Variants in PEAK1 observed in about 807,000 individuals in gnomAD.
The protein encoded by PEAK1 is inactive tyrosine-protein kinase PEAK1.
A neutral mutation model predicts 124.7 loss-of-function variants in PEAK1; 54 were observed. The ratio of observed to expected loss-of-function variants is 0.43; its 90% CI spans 0.35 to 0.54. The LOEUF is 0.54. Among genes scored for constraint, PEAK1 ranks in the 20% least tolerant of loss-of-function variants. The probability of loss-of-function intolerance (pLI) is 0.01; values close to 1 mark genes in which losing one functional copy is unlikely to be tolerated. For missense variants in PEAK1, 2,046 were observed against 2,134.5 expected (o/e 0.96, Z 0.82); for synonymous variants, 719 against 760.0 (o/e 0.95, Z 0.89).
At chr15:77,415,727 A>T (rs578096979) in intron 1 of PEAK1, among the ~76,000 whole-genome samples, 41 of 152,298 alleles carry the variant, frequency 2.7e-4, no homozygotes, top group African/African-American at 9.6e-4. Flanking sequence ...TGGAAAAGTG[A>T]GACTACCTTC....
intron 2 of PEAK1, among the ~76,000 whole-genome samples, chr15:77,308,670 G>A (rs895837431): frequency 3.9e-5 from 6 of 152,000 alleles, no homozygotes; most frequent in African/African-American, 1.4e-4. Context: ...CGAGGTTTAC[G>A]AAGCAGTAAA....
chr15:77,175,577 G>A (rs1367861117), intron 7 of PEAK1, among the ~76,000 whole-genome samples: 1 of 152,086 alleles, frequency 6.6e-6, no homozygotes, highest in Non-Finnish European at 1.5e-5. Context: ...CAGTTAGAAT[G>A]GTGATCATTA....
intron 2 of PEAK1, chr15:77,337,621 T>A: frequency 1.0e-6 from 1 of 985,446 alleles, no homozygotes; most frequent in Non-Finnish European, 1.2e-6. Flanking sequence ...ACCTTTACCA[T>A]GGATTAATTC....
chr15:77,413,292 C>G (rs948208282), intron 1 of PEAK1, among the ~76,000 whole-genome samples: 13 of 152,272 alleles, frequency 8.5e-5, no homozygotes, highest in African/African-American at 3.1e-4. Flanking sequence ...AATTTCCATC[C>G]CTTTAAGTGT....
At chr15:77,146,000 T>C (rs572463664) in intron 8 of PEAK1, among the ~76,000 whole-genome samples, 69 of 152,294 alleles carry the variant, frequency 4.5e-4, no homozygotes, top group African/African-American at 1.7e-3. Flanking sequence ...AATTTCAATC[T>C]TCGTCCCTAA....
At chr15:77,236,144 G>C (rs2060111763) in intron 6 of PEAK1, among the ~76,000 whole-genome samples, 1 of 152,238 alleles carries the variant, frequency 6.6e-6, no homozygotes, top group Admixed American at 6.5e-5. Context: ...GCACTACTTA[G>C]TGGAGCTGTG....
chr15:77,144,739 A>G (rs2054049136), intron 8 of PEAK1, among the ~76,000 whole-genome samples: 1 of 152,238 alleles, frequency 6.6e-6, no homozygotes, highest in Non-Finnish European at 1.5e-5. Flanking sequence ...TCCACAGCCC[A>G]TGCAAGTAGG....
rs1258661818 is a variant in PEAK1 at position 77,225,670 on chromosome 15, A to ATG, written c.-115+26696_-115+26697insCA. On this transcript the variant is annotated intron_variant, in intron 6 of 9. Coordinates refer to ENST00000682557, the MANE Select transcript of PEAK1 (RefSeq NM_001385026.1). ...GTGTGTGTGTGTGTGTATAATTTAT[A>ATG]TATATATATATATATATATATATAT... 7.3e-4 allele frequency among the ~76,000 whole-genome samples: 91 copies of ATG among 124,454 alleles called. 4 individuals are homozygous for ATG. The East Asian group carries it at 0.015, about 21-fold the overall frequency. The allele number at this position is 124,454 out of a possible 152,430, so 81.6% of individuals were successfully genotyped here. A position where few individuals can be genotyped will look rare whatever the true frequency, so the allele number is the denominator to read the frequency against.
intron 9 of PEAK1, among the ~76,000 whole-genome samples, chr15:77,127,917 T>TAAA (rs906959764): frequency 3.0e-4 from 45 of 151,968 alleles, no homozygotes; most frequent in African/African-American, 9.9e-4. Context: ...CTGTCTCTAC[T>TAAA]AAAAATACAA....
intron 2 of PEAK1, chr15:77,347,360 C>T (rs1281498916): frequency 1.0e-6 from 1 of 985,162 alleles, no homozygotes; most frequent in African/African-American, 1.7e-5. Context: ...AGAAATGCCA[C>T]AGAGGAAGAG....
rs1243409057 is a variant in PEAK1, at chr15:77,403,893, A to G, written c.-666+16113T>C. ...GCCACAAATTCATTTTAGAAACAGA[A>G]TGACTTTTTTTAATTTCCAACTTTT... is the stretch of plus-strand genomic sequence containing the variant. On this transcript the variant is annotated intron_variant, in intron 1 of 9. Transcript: ENST00000682557. 1.1e-5 allele frequency: 11 copies of G among 984,732 alleles called. No homozygotes were observed. The African/African-American group carries it at 1.2e-4, about 11-fold the overall frequency. 61.0% of individuals were successfully genotyped at this position (984,732 alleles called of 1,614,324 possible).
intron 6 of PEAK1, among the ~76,000 whole-genome samples, chr15:77,201,124 T>C (rs949408212): frequency 6.6e-6 from 1 of 152,124 alleles, no homozygotes; most frequent in Non-Finnish European, 1.5e-5. Flanking sequence ...ATGTTATTGA[T>C]TTCAGGGAAC....
chr15:77,370,412 GT>G (rs1465387201), intron 1 of PEAK1, among the ~76,000 whole-genome samples: 1 of 152,192 alleles, frequency 6.6e-6, no homozygotes, highest in Non-Finnish European at 1.5e-5. Flanking sequence ...AGGGGAAAAT[GT>G]TTAGGTACCA....
At chr15:77,141,916 C>A (rs1427373440) in intron 8 of PEAK1, among the ~76,000 whole-genome samples, 2 of 152,010 alleles carry the variant, frequency 1.3e-5, no homozygotes, top group African/African-American at 2.4e-5. Flanking sequence ...TAAATCTTTG[C>A]AACCTTGGGT....
chr15:77,323,498 C>A (rs1175604317), intron 2 of PEAK1, among the ~76,000 whole-genome samples: 1 of 152,050 alleles, frequency 6.6e-6, no homozygotes, highest in East Asian at 1.9e-4. Context: ...AACAGACAAA[C>A]GGAGAGCCAA....
At chr15:77,236,282 G>A (rs1200356997) in intron 6 of PEAK1, among the ~76,000 whole-genome samples, 1 of 152,200 alleles carries the variant, frequency 6.6e-6, no homozygotes, top group Non-Finnish European at 1.5e-5. Context: ...ACTGTACCCT[G>A]CAAAGCTGCA....
intron 7 of PEAK1, among the ~76,000 whole-genome samples, chr15:77,165,242 C>T (rs1189052905): frequency 2.1e-4 from 32 of 149,746 alleles, no homozygotes; most frequent in Non-Finnish European, 3.9e-4. Flanking sequence ...TGGCCCAGGC[C>T]GGAGTGCAGT....
intron 6 of PEAK1, among the ~76,000 whole-genome samples, chr15:77,242,079 G>A (rs949824011): frequency 2.6e-5 from 4 of 151,842 alleles, no homozygotes; most frequent in African/African-American, 7.3e-5. Flanking sequence ...ACTTGATGTT[G>A]AATTCTAGTA....
chr15:77,259,198 AT>A lies in PEAK1; in HGVS notation c.-274-6673del, dbSNP rs199957816. Among the ~76,000 whole-genome samples the A allele has an allele frequency of 5.2e-3, 791 of 152,274 alleles. 5 individuals are homozygous for A. The highest frequency in any genetic ancestry group is 0.016 in the African/African-American group (683 of 41,574). ...AATACAAACTACATTCAAGATGGCT[AT>A]TTGCTAAAATTTTAGAATTCATATT... On this transcript the variant is annotated intron_variant, in intron 5 of 9. Transcript: ENST00000682557.
Sources: allele counts gnomAD v4.1 joint callset (sites outside exome capture counted in the v4.1 genomes callset), GRCh38; gene constraint gnomAD v4.1.1; transcripts MANE v1.5; gene names NCBI Gene and HGNC (gene_info 2026-07-23, HGNC 2026-07-21).